DPAGT1: variants seen among roughly 807,000 people sequenced by gnomAD.
DPAGT1 encodes the protein UDP-N-acetylglucosamine--dolichyl-phosphate N-acetylglucosaminephosphotransferase.
A neutral mutation model predicts 39.3 loss-of-function variants in DPAGT1; 25 were observed. That is an observed-to-expected ratio of 0.64 (90% CI 0.46 to 0.89). The LOEUF (loss-of-function observed/expected upper bound fraction) is 0.89, where lower values mean the gene tolerates loss of function less well. DPAGT1 is among the 40% of genes least tolerant of loss of function. The pLI, the probability that DPAGT1 is intolerant of heterozygous loss-of-function variation, is 0.00. For synonymous variants in DPAGT1, 193 were observed against 201.4 expected, an observed-to-expected ratio of 0.96 and a Z score of 0.36; for missense variants, 381 against 500.6, an observed-to-expected ratio of 0.76 and a Z score of 2.28.
intron 4 of DPAGT1, among the ~76,000 whole-genome samples, chr11:119,099,332 G>A (rs1333631430): frequency 1.3e-5 from 2 of 150,386 alleles, no homozygotes; most frequent in Non-Finnish European, 2.9e-5. Flanking sequence ...GCTGAGGCAG[G>A]AGAATCGCTT....
At chr11:119,095,665 G>C (rs1946381377), downstream of DPAGT1, among the ~76,000 whole-genome samples, 1 of 152,134 alleles carries the variant, frequency 6.6e-6, no homozygotes, top group Admixed American at 6.5e-5. Context: ...GAGGAGGAGG[G>C]GTAGCACGCA....
In DPAGT1 at chr11:119,097,010, G is replaced by A; in HGVS notation, c.1215C>T (p.Phe405=). 2 of 1,614,190 alleles carry A rather than the reference G, an allele frequency of 1.2e-6. No homozygotes were observed. The highest frequency in any genetic ancestry group is 1.7e-6 in the Non-Finnish European group (2 of 1,180,028). Reference sequence around the variant, plus strand: ...ATGATCAAGGGACTCAGACATCATAGAAGAGTCGAACGAGCTGATATCGAA... The same window carrying A: ...ATGATCAAGGGACTCAGACATCATAAAAGAGTCGAACGAGCTGATATCGAA... The part of the protein sequence containing the change: ...FSIRYQLVRL[F]YDV The change falls in exon 9 of 9, where the codon TTC becomes TTT. Residue 405 remains phenylalanine, a synonymous_variant. Transcript: ENST00000354202. The surrounding 1 kb of genome is among the most constrained non-coding windows in gnomAD (Gnocchi z 4.6).
At chr11:119,098,786 T>A (rs949811797) in intron 4 of DPAGT1, among the ~76,000 whole-genome samples, 1 of 152,222 alleles carries the variant, frequency 6.6e-6, no homozygotes, top group Non-Finnish European at 1.5e-5. Flanking sequence ...ACATTTAACT[T>A]CTCTAAGCCT....
At chr11:119,099,163 G>A (rs1376406323) in intron 4 of DPAGT1, among the ~76,000 whole-genome samples, 1 of 152,196 alleles carries the variant, frequency 6.6e-6, no homozygotes, top group African/African-American at 2.4e-5. Context: ...GGTGACTCAC[G>A]CCTGTAATCC....
Position 119,100,398 on chromosome 11 carries a change from G to C in DPAGT1, c.507C>G (p.Tyr169Ter). The C allele has an allele frequency of 6.2e-7, 1 of 1,614,238 alleles. No individual in the cohort carries two copies. The highest frequency in any genetic ancestry group is 8.5e-7 in the Non-Finnish European group (1 of 1,180,038). ...LGLHLDLGIL[Y>*]YVYMGLLAVF... ...CTGCCAGCAGCCCCATGTAGACATAGTACAGGATTCCTGCGGGGAGAGATG... is the reference window on the plus strand; with the variant it reads ...CTGCCAGCAGCCCCATGTAGACATACTACAGGATTCCTGCGGGGAGAGATG... Residue 169 changes from tyrosine (Y) to a stop codon, truncating the protein, a stop_gained, in exon 4 of 9, where the codon TAC (tyrosine) becomes TAG (stop). Transcript: ENST00000354202. LOFTEE classifies it high-confidence loss of function.
chr11:119,099,780 CAAAAAAAAAAAA>C (rs57486910), intron 4 of DPAGT1, among the ~76,000 whole-genome samples: 10 of 75,800 alleles, frequency 1.3e-4, no homozygotes, highest in African/African-American at 5.3e-4. Context: ...GACCCTGTCT[CAAAAAAAAAAAA>C]AAAAAAAAAA....
intron 3 of DPAGT1, 79 bp from the exon 4 acceptor site, chr11:119,100,487 G>A: frequency 3.1e-6 from 5 of 1,607,946 alleles, no homozygotes; most frequent in Non-Finnish European, 4.3e-6. Flanking sequence ...AAGTGGTGAG[G>A]ACGGACGATA....
chr11:119,098,012 A>C lies in DPAGT1; in HGVS notation c.760T>G (p.Phe254Val). 6.2e-7 allele frequency: 1 copy of C among 1,614,234 alleles called. No homozygotes were observed. Among genetic ancestry groups the C allele is most frequent in the South Asian group, 1.1e-5 (1 of 91,090 alleles). Residue 254 changes from phenylalanine (F) to valine (V), a missense_variant, in exon 6 of 9, where the codon TTC becomes GTC. Phe to Val is a conservative substitution (Grantham distance 50). Transcript: ENST00000354202. ...YPSRVFVGDTFCYFAGMTFAV... is the reference protein window; with the variant it reads ...YPSRVFVGDTVCYFAGMTFAV... The stretch of plus-strand genomic sequence containing the variant: ...AAGGTCATGCCAGCAAAGTAACAGA[A>C]GGTATCTCCCACAAACACCCGTGAT...
chr11:119,098,159 C>T (rs544637098), intron 5 of DPAGT1, 116 bp from the exon 6 acceptor site: 141 of 1,421,290 alleles, frequency 9.9e-5, no homozygotes, highest in Middle Eastern at 4.7e-4. Flanking sequence ...TCAGAGGAGA[C>T]TCCAGTTGTG....
At chr11:119,095,113 G>T (rs141798641), downstream of DPAGT1, 51 of 1,613,902 alleles carry the variant, frequency 3.2e-5, no homozygotes, top group African/African-American at 6.3e-4. Flanking sequence ...GCAGCTTGTT[G>T]AGCTCCTCGT....
chr11:119,094,839 C>T, downstream of DPAGT1: 3 of 1,063,644 alleles, frequency 2.8e-6, no homozygotes, highest in South Asian at 1.7e-5. Flanking sequence ...GGGAAGGGAG[C>T]CGCGGCCCGC....
At chr11:119,098,252 A>G (rs2134902608) in intron 5 of DPAGT1, 151 bp downstream of exon 5, 1 of 1,048,372 alleles carries the variant, frequency 9.5e-7, no homozygotes, top group Admixed American at 2.0e-5. Flanking sequence ...TACTGGGTAG[A>G]GAGAAATTTC....
Position 119,097,806 on chromosome 11 carries a change from T to C in DPAGT1, c.917+49A>G, listed in dbSNP as rs755426858. 5 of 1,610,480 alleles carry C rather than the reference T, an allele frequency of 3.1e-6. No individual in the cohort carries two copies. Among genetic ancestry groups the C allele is most frequent in the South Asian group, 1.1e-5 (1 of 90,974 alleles). ...CAAATGTATAGGCTGGCATTAGATA[T>C]CCCAAGTGAAAAGGCTATGATGTCC... On this transcript the variant is annotated intron_variant, in intron 6 of 8. Transcript: ENST00000354202. This position sits in a 1 kb window ranked among gnomAD's most constrained non-coding sequence, Gnocchi z 4.6.
Position 119,097,137 on chromosome 11 carries a change from C to G in DPAGT1, c.1161+5G>C. ...CGGAGGTATAAACTCGATTCCCATC[C>G]TCACCTGCAGCAGCAGCAGGAGCAA... On this transcript the variant is annotated splice_donor_5th_base_variant and intron_variant, in intron 8 of 8. Transcript: ENST00000354202. The surrounding 1 kb of genome is among the most constrained non-coding windows in gnomAD (Gnocchi z 4.6). 2 of 1,614,188 alleles carry G rather than the reference C, an allele frequency of 1.2e-6. No homozygotes were observed. The highest frequency in any genetic ancestry group is 1.7e-6 in the Non-Finnish European group (2 of 1,180,032).
intron 4 of DPAGT1, among the ~76,000 whole-genome samples, chr11:119,099,266 A>C (rs776775478): frequency 2.4e-4 from 36 of 151,998 alleles, no homozygotes; most frequent in Admixed American, 1.2e-3. Flanking sequence ...CTCTACTAGA[A>C]ATACAAAATT....
rs372015932 is a variant in DPAGT1, at chr11:119,101,026, G to C, written c.274C>G (p.His92Asp). 1.9e-6 allele frequency: 3 copies of C among 1,614,204 alleles called. No individual in the cohort carries two copies. Among genetic ancestry groups the C allele is most frequent in the Non-Finnish European group, 1.7e-6 (2 of 1,180,042 alleles). ...CCCACGAACCCACTTACTTCATGGT[G>C]GGGGAATGCCTTACACTGCTCCTTC... ...FVKEQCKAFP[H>D]HEFVALIGAL... Residue 92 changes from histidine to aspartate, a missense_variant, in exon 2 of 9, where the codon CAC (histidine) becomes GAC (aspartate). By Grantham distance (81) the His-to-Asp change is moderately conservative (BLOSUM62 -1). Coordinates refer to ENST00000354202, the MANE Select transcript of DPAGT1 (RefSeq NM_001382.4).
At position 119,101,786 on chromosome 11, in the gene DPAGT1, A is replaced by T; in HGVS notation, c.-131T>A. ...GCTCTTCCCACACCAATCTGAGCAAAACCCAGCAACTCTGACTTGAGCCGC... is the reference window on the plus strand; with the variant it reads ...GCTCTTCCCACACCAATCTGAGCAATACCCAGCAACTCTGACTTGAGCCGC... On this transcript the variant is annotated 5_prime_UTR_variant, in exon 1 of 9. Transcript: ENST00000354202. 1 of 1,550,036 alleles carries T rather than the reference A, an allele frequency of 6.5e-7. No individual in the cohort carries two copies. Among genetic ancestry groups the T allele is most frequent in the Non-Finnish European group, 8.7e-7 (1 of 1,149,470 alleles).
intron 5 of DPAGT1, 83 bp downstream of exon 5, chr11:119,098,320 T>G: frequency 2.1e-6 from 3 of 1,462,094 alleles, no homozygotes; most frequent in Non-Finnish European, 2.9e-6. Context: ...AGGTTTAGCT[T>G]CACCACCACA....
downstream of DPAGT1, chr11:119,095,053 G>A (rs766183804): frequency 1.2e-5 from 20 of 1,613,662 alleles, no homozygotes; most frequent in Admixed American, 2.0e-4. Flanking sequence ...GCAGCAGCAC[G>A]GCCTGGATGT....
Sources: gnomAD v4.1 joint callset for allele counts (sites outside exome capture counted in the v4.1 genomes callset) on GRCh38, gnomAD v4.1.1 for gene constraint, Gnocchi (gnomAD v3.1) non-coding constraint, MANE v1.5 for transcripts, NCBI Gene and HGNC (gene_info 2026-07-23, HGNC 2026-07-21) for gene names.